The following CHODL variants were observed in gnomAD, a reference collection of about 807,000 sequenced individuals.
CHODL encodes transmembrane protein MT75.
CHODL carries 29 observed loss-of-function variants against 34.5 expected under a neutral mutation model. The ratio of observed to expected loss-of-function variants is 0.84; its 90% CI spans 0.63 to 1.15. The LOEUF is 1.15. Ranked by LOEUF, CHODL falls within the 50% of genes most tolerant of loss-of-function variation. The pLI, the probability that CHODL is intolerant of heterozygous loss-of-function variation, is 0.00. For synonymous variants in CHODL, 125 were observed against 116.1 expected (o/e 1.08, Z -0.49); for missense variants, 332 against 332.5 (o/e 1.00, Z 0.01).
chr21:18,215,762 T>C (rs1319627272), intron 2 of CHODL, among the ~76,000 whole-genome samples: 1 of 152,174 alleles, frequency 6.6e-6, no homozygotes, highest in African/African-American at 2.4e-5. Flanking sequence ...GAGCCCTAAC[T>C]ATTATGAAAC....
At chr21:18,126,042 G>A (rs1010238058) in intron 2 of CHODL, among the ~76,000 whole-genome samples, 9 of 152,120 alleles carry the variant, frequency 5.9e-5, no homozygotes, top group African/African-American at 2.2e-4. Context: ...ACAGTCTATA[G>A]TCCCAGCTAT....
At chr21:18,111,711 T>A (rs1157955760) in intron 2 of CHODL, among the ~76,000 whole-genome samples, 1 of 152,182 alleles carries the variant, frequency 6.6e-6, no homozygotes. Flanking sequence ...CTTTATCAAT[T>A]ACTTACTTAT....
chr21:17,995,231 G>C (rs191814658), intron 1 of CHODL, among the ~76,000 whole-genome samples: 1 of 152,240 alleles, frequency 6.6e-6, no homozygotes, highest in African/African-American at 2.4e-5. Context: ...TTGGGTCATG[G>C]CACAAACTTC....
chr21:18,048,666 G>A (rs190473673), intron 2 of CHODL, among the ~76,000 whole-genome samples: 77 of 152,054 alleles, frequency 5.1e-4, no homozygotes, highest in African/African-American at 1.7e-3. Context: ...AATGGCATGC[G>A]AGGTAACTGA....
At chr21:17,997,131 C>T (rs973774977) in intron 1 of CHODL, among the ~76,000 whole-genome samples, 8 of 152,210 alleles carry the variant, frequency 5.3e-5, no homozygotes, top group South Asian at 2.1e-4. Context: ...TCATAATATG[C>T]GATTAGTTAC....
chr21:17,948,724 A>G (rs1262509936), intron 1 of CHODL, among the ~76,000 whole-genome samples: 1 of 152,146 alleles, frequency 6.6e-6, no homozygotes, highest in Admixed American at 6.5e-5. Flanking sequence ...GGAAGTCTGA[A>G]TGGACCAATA....
chr21:17,937,263 A>G (rs941086739), intron 1 of CHODL, among the ~76,000 whole-genome samples: 1 of 152,174 alleles, frequency 6.6e-6, no homozygotes, highest in African/African-American at 2.4e-5. Context: ...GAGAGCAGAG[A>G]AAAGAGAAGT....
chr21:18,226,083 A>G (rs1314474549), intron 2 of CHODL, among the ~76,000 whole-genome samples: 4 of 152,140 alleles, frequency 2.6e-5, no homozygotes, highest in African/African-American at 9.7e-5. Context: ...GATGTCAGAC[A>G]GGAGCCAAAA....
At chr21:17,973,566 A>G (rs552273917) in intron 1 of CHODL, among the ~76,000 whole-genome samples, 4 of 149,668 alleles carry the variant, frequency 2.7e-5, no homozygotes, top group Non-Finnish European at 5.9e-5. Flanking sequence ...ACAGGCGCCC[A>G]CCACCATGCC....
chr21:18,061,810 CA>C (rs2064670242), intron 2 of CHODL, among the ~76,000 whole-genome samples: 3 of 152,150 alleles, frequency 2.0e-5, no homozygotes, highest in Admixed American at 1.3e-4. Flanking sequence ...CTCAACTATG[CA>C]AGTTTAAACT....
chr21:18,019,579 T>C (rs2064108696), intron 1 of CHODL, among the ~76,000 whole-genome samples: 1 of 152,200 alleles, frequency 6.6e-6, no homozygotes, highest in African/African-American at 2.4e-5. Context: ...AAATATCTCA[T>C]GTACCTCATA....
chr21:17,966,764 G>C (rs557681972), intron 1 of CHODL, among the ~76,000 whole-genome samples: 1 of 152,266 alleles, frequency 6.6e-6, no homozygotes, highest in South Asian at 2.1e-4. Context: ...CTCCCTTTTA[G>C]TAATTCCCTT....
intron 1 of CHODL, among the ~76,000 whole-genome samples, chr21:17,944,123 C>T (rs1049263691): frequency 6.6e-6 from 1 of 152,132 alleles, no homozygotes; most frequent in Admixed American, 6.5e-5. Flanking sequence ...CCCCAACTAC[C>T]CTGCCCAATT....
intron 2 of CHODL, among the ~76,000 whole-genome samples, chr21:18,231,732 T>C (rs1242754526): frequency 6.6e-6 from 1 of 152,014 alleles, no homozygotes; most frequent in East Asian, 1.9e-4. Flanking sequence ...TTTCCGTCTG[T>C]TTGCTCCTCA....
intron 2 of CHODL, among the ~76,000 whole-genome samples, chr21:18,145,506 G>T (rs2824652): frequency 0.61 from 90,885 of 148,712 alleles, 29,842 homozygotes; most frequent in Non-Finnish European, 0.75. Flanking sequence ...TATGTGAAAA[G>T]ATGACCTGAT....
chr21:17,973,358 TAC>T (rs549948165), intron 1 of CHODL, among the ~76,000 whole-genome samples: 17 of 151,542 alleles, frequency 1.1e-4, no homozygotes, highest in Non-Finnish European at 2.5e-4. Context: ...ACAGGAAACC[TAC>T]AGAGTGGGAG....
chr21:18,050,273 C>G (rs2064497385), intron 2 of CHODL, among the ~76,000 whole-genome samples: 1 of 82,562 alleles, frequency 1.2e-5, no homozygotes, highest in Admixed American at 1.0e-4. Context: ...AAATGAGATC[C>G]TTGAAGGGGG....
At chr21:18,002,894 C>T (rs1409448337) in intron 1 of CHODL, among the ~76,000 whole-genome samples, 6 of 152,004 alleles carry the variant, frequency 3.9e-5, no homozygotes, top group East Asian at 1.9e-4. Flanking sequence ...GAGGCCGAGG[C>T]GGGCGGATCA....
chr21:18,045,200 G>A (rs1305554518), intron 2 of CHODL, among the ~76,000 whole-genome samples: 1 of 152,116 alleles, frequency 6.6e-6, no homozygotes, highest in Middle Eastern at 3.4e-3. Flanking sequence ...GAGGGAGCTA[G>A]AATTATCAAA....
Sources: gnomAD v4.1 joint callset for allele counts (sites outside exome capture counted in the v4.1 genomes callset) on GRCh38, gnomAD v4.1.1 for gene constraint, MANE v1.5 for transcripts, NCBI Gene and HGNC (gene_info 2026-07-23, HGNC 2026-07-21) for gene names.